DOK6: variants seen among roughly 807,000 people sequenced by gnomAD.
DOK6 encodes docking protein 6, also known as downstream of tyrosine kinase 6.
DOK6 carries 22 observed loss-of-function variants against 44.0 expected under a neutral mutation model. The ratio of observed to expected loss-of-function variants is 0.50; its 90% CI spans 0.36 to 0.71. The LOEUF (loss-of-function observed/expected upper bound fraction) is 0.71, where lower values mean the gene tolerates loss of function less well. DOK6 is among the 30% of genes least tolerant of loss of function. DOK6 has a pLI of 0.00. For synonymous variants in DOK6, 166 were observed against 145.5 expected (o/e 1.14, Z -1.01); for missense variants, 340 against 416.4 (o/e 0.82, Z 1.60).
chr18:69,668,206 T>C (rs776201374), intron 3 of DOK6, among the ~76,000 whole-genome samples: 6 of 152,146 alleles, frequency 3.9e-5, no homozygotes, highest in Non-Finnish European at 8.8e-5. Context: ...CACTGCTATA[T>C]TGATCCTAGT....
At chr18:69,787,117 G>A (rs1267315350) in intron 7 of DOK6, among the ~76,000 whole-genome samples, 1 of 152,198 alleles carries the variant, frequency 6.6e-6, no homozygotes, top group Non-Finnish European at 1.5e-5. Flanking sequence ...TTGGGAGGCT[G>A]AGGCAGGAGA....
intron 1 of DOK6, among the ~76,000 whole-genome samples, chr18:69,424,598 A>G (rs565826505): frequency 1.3e-5 from 2 of 150,360 alleles, no homozygotes; most frequent in South Asian, 4.2e-4. Context: ...TTTACATTTT[A>G]ATAAAATCAA....
intron 7 of DOK6, among the ~76,000 whole-genome samples, chr18:69,780,566 T>C (rs1980233475): frequency 6.6e-6 from 1 of 152,232 alleles, no homozygotes; most frequent in Non-Finnish European, 1.5e-5. Context: ...CACTCCAGCC[T>C]GGGCAACAGA....
chr18:69,596,516 C>T (rs1454075900), intron 2 of DOK6, among the ~76,000 whole-genome samples: 1 of 151,938 alleles, frequency 6.6e-6, no homozygotes, highest in East Asian at 1.9e-4. Context: ...ACAAAGGAAC[C>T]CCAATAAGAT....
chr18:69,811,916 G>A (rs1038959918), intron 7 of DOK6, among the ~76,000 whole-genome samples: 1 of 152,014 alleles, frequency 6.6e-6, no homozygotes, highest in Non-Finnish European at 1.5e-5. Flanking sequence ...CAAAATAAAT[G>A]TTTAGTGAAC....
intron 6 of DOK6, among the ~76,000 whole-genome samples, chr18:69,749,320 A>G (rs1979090800): frequency 6.6e-6 from 1 of 152,348 alleles, no homozygotes; most frequent in South Asian, 2.1e-4. Context: ...ACATTTAAAA[A>G]AATGAAGGAA....
chr18:69,540,485 A>G (rs1982239566), intron 1 of DOK6, among the ~76,000 whole-genome samples: 1 of 152,172 alleles, frequency 6.6e-6, no homozygotes, highest in Non-Finnish European at 1.5e-5. Context: ...AATTTAACTA[A>G]TATGGGAGAA....
At chr18:69,734,418 G>GAAAAAAAAA (rs60810634) in intron 5 of DOK6, among the ~76,000 whole-genome samples, 4 of 87,464 alleles carry the variant, frequency 4.6e-5, no homozygotes, top group African/African-American at 1.0e-4. Context: ...AAAAAAAAAG[G>GAAAAAAAAA]AAAATTCTAG....
intron 1 of DOK6, among the ~76,000 whole-genome samples, chr18:69,525,111 C>T (rs757210784): frequency 1.3e-5 from 2 of 151,504 alleles, no homozygotes; most frequent in East Asian, 3.9e-4. Flanking sequence ...AAATCTTGTA[C>T]GTCTTTAAAA....
At chr18:69,676,251 TG>T (rs1985919832) in intron 3 of DOK6, among the ~76,000 whole-genome samples, 1 of 152,254 alleles carries the variant, frequency 6.6e-6, no homozygotes, top group Non-Finnish European at 1.5e-5. Context: ...CAGGATCCCA[TG>T]GGGAACTGCA....
chr18:69,610,340 A>G (rs1984108872), intron 3 of DOK6, among the ~76,000 whole-genome samples: 1 of 152,196 alleles, frequency 6.6e-6, no homozygotes, highest in Admixed American at 6.5e-5. Flanking sequence ...CCTTGATTCT[A>G]TGAACCTCCT....
At chr18:69,660,921 G>A (rs188653724) in intron 3 of DOK6, 62 of 152,306 alleles carry the variant, frequency 4.1e-4, no homozygotes, top group Non-Finnish European at 5.9e-4. Context: ...CACCTGCCTC[G>A]GCCTCCCAAA....
intron 6 of DOK6, among the ~76,000 whole-genome samples, chr18:69,751,656 G>A (rs182070249): frequency 7.6e-4 from 115 of 152,006 alleles, no homozygotes; most frequent in African/African-American, 2.3e-3. Context: ...TTTAATGTAC[G>A]GAAACTACTC....
At chr18:69,641,087 G>A (rs1012041360) in intron 3 of DOK6, among the ~76,000 whole-genome samples, 1 of 151,992 alleles carries the variant, frequency 6.6e-6, no homozygotes, top group African/African-American at 2.4e-5. Flanking sequence ...GTGGTGACAC[G>A]TGCCTGTAGT....
intron 7 of DOK6, among the ~76,000 whole-genome samples, chr18:69,771,621 CG>C (rs1812060794): frequency 6.6e-6 from 1 of 151,508 alleles, no homozygotes. Context: ...ATTTACAGAG[CG>C]CAAAATCACT....
At chr18:69,793,730 G>A (rs1980664076) in intron 7 of DOK6, among the ~76,000 whole-genome samples, 1 of 151,992 alleles carries the variant, frequency 6.6e-6, no homozygotes, top group South Asian at 2.1e-4. Flanking sequence ...TTCACTACCA[G>A]AGAGAAAAGA....
chr18:69,774,416 C>T (rs1312980523), intron 7 of DOK6, among the ~76,000 whole-genome samples: 1 of 151,758 alleles, frequency 6.6e-6, no homozygotes, highest in South Asian at 2.1e-4. Context: ...GTATACTGCT[C>T]AGGTGATGTG....
intron 1 of DOK6, among the ~76,000 whole-genome samples, chr18:69,466,120 T>A (rs901751023): frequency 2.0e-5 from 3 of 152,184 alleles, no homozygotes; most frequent in Non-Finnish European, 4.4e-5. Context: ...AACTTATTCA[T>A]CCTGTCTAGC....
chr18:69,801,103 T>A (rs1269662768), intron 7 of DOK6, among the ~76,000 whole-genome samples: 5 of 142,024 alleles, frequency 3.5e-5, no homozygotes, highest in Non-Finnish European at 7.8e-5. Context: ...TGTTTTGTTT[T>A]GTTTTGTTTT....
Sources: gnomAD v4.1 joint callset for allele counts (sites outside exome capture counted in the v4.1 genomes callset) on GRCh38, gnomAD v4.1.1 for gene constraint, MANE v1.5 for transcripts, NCBI Gene and HGNC (gene_info 2026-07-23, HGNC 2026-07-21) for gene names.